RNLS: variants seen among roughly 807,000 people sequenced by gnomAD.
The protein encoded by RNLS is renalase, FAD dependent amine oxidase, also known as renalase.
RNLS carries 39 observed loss-of-function variants against 39.8 expected under a neutral mutation model. The ratio of observed to expected loss-of-function variants is 0.98; its 90% CI spans 0.76 to 1.28. The LOEUF (loss-of-function observed/expected upper bound fraction) is 1.28. Ranked by LOEUF, RNLS falls within the 50% of genes most tolerant of loss-of-function variation. The probability of loss-of-function intolerance (pLI) is 0.00; values close to 1 mark genes in which losing one functional copy is unlikely to be tolerated. For synonymous variants in RNLS, 147 were observed against 150.7 expected, an observed-to-expected ratio of 0.98 and a Z score of 0.18; for missense variants, 410 against 413.3, an observed-to-expected ratio of 0.99 and a Z score of 0.07.
chr10:88,431,017 T>C (rs897820887), intron 4 of RNLS, among the ~76,000 whole-genome samples: 9 of 151,710 alleles, frequency 5.9e-5, no homozygotes, highest in Non-Finnish European at 1.0e-4. Context: ...TTGCCTCTAG[T>C]ACTTCAATTT....
intron 5 of RNLS, among the ~76,000 whole-genome samples, chr10:88,314,924 G>A (rs1038577938): frequency 1.3e-5 from 2 of 152,126 alleles, no homozygotes; most frequent in African/African-American, 4.8e-5. Context: ...AACTGCCTTG[G>A]ATATAATTAT....
rs375154928 is a variant in RNLS at position 88,314,539 on chromosome 10, T to C, written c.803A>G (p.Gln268Arg). Residue 268 changes from glutamine (Q) to arginine (R), a missense_variant, in exon 6 of 7, where the codon CAG becomes CGG. Gln to Arg is a conservative substitution (Grantham distance 43). Coordinates refer to ENST00000331772, the MANE Select transcript of RNLS (RefSeq NM_001031709.3). ...SIEDVQELVF[Q>R]QLENILPGLP... The stretch of plus-strand genomic sequence containing the variant: ...ACCCGGCAAAATGTTTTCCAGCTGC[T>C]GGAAGACTAACTCTTGCACATCCTC... 1.2e-6 allele frequency: 2 copies of C among 1,613,908 alleles called. No homozygotes were observed. The highest frequency in any genetic ancestry group is 1.7e-6 in the Non-Finnish European group (2 of 1,179,906).
intron 4 of RNLS, among the ~76,000 whole-genome samples, chr10:88,496,245 C>A (rs771459628): frequency 2.0e-5 from 3 of 152,000 alleles, no homozygotes; most frequent in Non-Finnish European, 4.4e-5. Context: ...TAATTAAAAC[C>A]CCAGGAATTA....
At chr10:88,546,302 G>T (rs1848310695) in intron 4 of RNLS, among the ~76,000 whole-genome samples, 1 of 151,952 alleles carries the variant, frequency 6.6e-6, no homozygotes, top group Admixed American at 6.6e-5. Context: ...TTTTGTAAAT[G>T]TAAGAGTATT....
At position 88,403,860 on chromosome 10, in the gene RNLS, C is replaced by T. The variant is rs528856740; in HGVS notation, c.527-41135G>A. On this transcript the variant is annotated intron_variant, in intron 4 of 6. Transcript: ENST00000331772. ...GACCATCCTGGGCAATATAGGGAGA[C>T]CCTGTCTCTACAAAATAAAACATAA... 4.6e-5 allele frequency among the ~76,000 whole-genome samples: 7 copies of T among 151,800 alleles called. No homozygotes were observed. The South Asian group carries it at 1.5e-3, about 32-fold the overall frequency.
rs569722869 is a variant in RNLS, at chr10:88,563,156, T to C, written c.526+9747A>G. Among the ~76,000 whole-genome samples the C allele has an allele frequency of 1.3e-4, 20 of 152,314 alleles. No homozygotes were observed. In the South Asian group the frequency reaches 4.1e-3, roughly 32 times the overall value. On this transcript the variant is annotated intron_variant, in intron 4 of 6. Coordinates refer to ENST00000331772, the MANE Select transcript of RNLS (RefSeq NM_001031709.3). ...TTCTTCCTAAACTAATGCAGTGTAA[T>C]TGAGTGTAATTCAAATCAATATTCC...
At chr10:88,402,536 G>T (rs546758064) in intron 4 of RNLS, among the ~76,000 whole-genome samples, 3 of 151,782 alleles carry the variant, frequency 2.0e-5, no homozygotes, top group Non-Finnish European at 2.9e-5. Context: ...CTAATAAATC[G>T]TTGGGGTTTC....
chr10:88,436,102 G>A (rs903927673), intron 4 of RNLS, among the ~76,000 whole-genome samples: 3 of 152,040 alleles, frequency 2.0e-5, no homozygotes, highest in Non-Finnish European at 4.4e-5. Flanking sequence ...GGGACTGTAG[G>A]AAGCCAGATG....
At chr10:88,452,750 T>C (rs1421804372) in intron 4 of RNLS, among the ~76,000 whole-genome samples, 3 of 152,000 alleles carry the variant, frequency 2.0e-5, no homozygotes, top group African/African-American at 7.3e-5. Context: ...GTGAGAAGGG[T>C]CAACATCCTG....
At chr10:88,523,881 C>A (rs925013671) in intron 4 of RNLS, among the ~76,000 whole-genome samples, 1 of 152,114 alleles carries the variant, frequency 6.6e-6, no homozygotes, top group Non-Finnish European at 1.5e-5. Flanking sequence ...AGTGGCAGGT[C>A]CATACCTCTG....
At chr10:88,425,138 G>A (rs1231771271) in intron 4 of RNLS, among the ~76,000 whole-genome samples, 5 of 152,040 alleles carry the variant, frequency 3.3e-5, no homozygotes, top group African/African-American at 1.2e-4. Flanking sequence ...GGGAGGAAGG[G>A]AACTGTGCAT....
the RNLS span, among the ~76,000 whole-genome samples, chr10:88,187,018 A>ATC: frequency 6.6e-6 from 1 of 151,338 alleles, no homozygotes; most frequent in Non-Finnish European, 1.5e-5. Context: ...GAGCACTCAA[A>ATC]TCTCACAACT....
chr10:88,343,880 C>T (rs1848130430), intron 5 of RNLS: 5 of 947,656 alleles, frequency 5.3e-6, no homozygotes, highest in Non-Finnish European at 6.3e-6. Flanking sequence ...AGGATTTGTC[C>T]TAACTCACAT....
chr10:88,214,042 C>A, the RNLS span, among the ~76,000 whole-genome samples: 10 of 152,182 alleles, frequency 6.6e-5, no homozygotes, highest in Non-Finnish European at 1.0e-4. Flanking sequence ...CGGTTTCTCT[C>A]CATTTCTCGG....
rs561564391 is a variant in RNLS at position 88,403,697 on chromosome 10, CT to C, written c.527-40973del. ...TTAATTAATTAAAGGATTCTTGTAG[CT>C]TTTTTTTTTCCTGGCTAACTAAAAT... On this transcript the variant is annotated intron_variant, in intron 4 of 6. Transcript: ENST00000331772. Among the ~76,000 whole-genome samples, 316 of 148,440 alleles carry C rather than the reference CT, an allele frequency of 2.1e-3. 7 individuals are homozygous for C. The highest frequency in any genetic ancestry group is 0.018 in the Admixed American group (260 of 14,852).
chr10:88,375,146 C>T (rs1158983898), intron 4 of RNLS, among the ~76,000 whole-genome samples: 1 of 152,076 alleles, frequency 6.6e-6, no homozygotes, highest in African/African-American at 2.4e-5. Flanking sequence ...TCTTCCCTTT[C>T]TCTTTTATTC....
At chr10:88,390,248 G>A (rs757705843) in intron 4 of RNLS, among the ~76,000 whole-genome samples, 1 of 152,176 alleles carries the variant, frequency 6.6e-6, no homozygotes, top group African/African-American at 2.4e-5. Context: ...TCTCTGGGAC[G>A]CTATCTGGGT....
chr10:88,374,727 C>T (rs1255944831), intron 4 of RNLS, among the ~76,000 whole-genome samples: 1 of 152,276 alleles, frequency 6.6e-6, no homozygotes, highest in East Asian at 1.9e-4. Flanking sequence ...TCACTGATTT[C>T]ATGGACATTT....
intron 4 of RNLS, among the ~76,000 whole-genome samples, chr10:88,364,063 A>G (rs1849850238): frequency 6.6e-6 from 1 of 152,094 alleles, no homozygotes. Flanking sequence ...TCTACTTTTT[A>G]CTTTCTATCT....
Sources: allele counts gnomAD v4.1 joint callset (sites outside exome capture counted in the v4.1 genomes callset), GRCh38; gene constraint gnomAD v4.1.1; transcripts MANE v1.5; gene names NCBI Gene and HGNC (gene_info 2026-07-23, HGNC 2026-07-21).